The following ARSB variants were observed in gnomAD, a reference collection of about 807,000 sequenced individuals.
ARSB encodes the protein arylsulfatase B.
A neutral mutation model predicts 50.9 loss-of-function variants in ARSB; 41 were observed. That is an observed-to-expected ratio of 0.81 (90% CI 0.63 to 1.04). The LOEUF is 1.04. Among genes scored for constraint, ARSB ranks in the 50% least tolerant of loss-of-function variants. ARSB has a pLI of 0.00. For missense variants in ARSB, 672 were observed against 693.3 expected, an observed-to-expected ratio of 0.97 and a Z score of 0.35; for synonymous variants, 269 against 284.8, an observed-to-expected ratio of 0.94 and a Z score of 0.56.
chr5:78,846,370 T>C (rs1745440936), intron 5 of ARSB, among the ~76,000 whole-genome samples: 1 of 152,170 alleles, frequency 6.6e-6, no homozygotes, highest in East Asian at 1.9e-4. Flanking sequence ...ATAGGGTCTT[T>C]TGTGGGTGCA....
chr5:78,933,912 G>GTGAC (rs1561510337), intron 4 of ARSB, among the ~76,000 whole-genome samples: 1 of 152,182 alleles, frequency 6.6e-6, no homozygotes, highest in Non-Finnish European at 1.5e-5. Flanking sequence ...ATAGACTAGA[G>GTGAC]TGACGAGAGA....
chr5:78,849,623 T>C (rs1439825635), intron 5 of ARSB, among the ~76,000 whole-genome samples: 2 of 151,768 alleles, frequency 1.3e-5, no homozygotes, highest in Non-Finnish European at 2.9e-5. Context: ...TTGATGGGGA[T>C]GGCATTGAAT....
At position 78,820,681 on chromosome 5, in the gene ARSB, C is replaced by T. The variant is rs899211421; in HGVS notation, c.1213+18675G>A. Among the ~76,000 whole-genome samples the T allele has an allele frequency of 3.3e-5, 5 of 152,200 alleles. No individual in the cohort carries two copies. In the South Asian group the frequency reaches 6.2e-4, roughly 19 times the overall value. On this transcript the variant is annotated intron_variant, in intron 6 of 7. Transcript: ENST00000264914. ...CTTTATCAGGGTTTCTCAGCCTCAG[C>T]ATTATTGACATTTCAGGTGGAAAAC... is the stretch of plus-strand genomic sequence containing the variant.
At chr5:78,806,477 A>T (rs12522844) in intron 6 of ARSB, among the ~76,000 whole-genome samples, 9,519 of 152,272 alleles carry the variant, frequency 0.063, 390 homozygotes, top group East Asian at 0.1. Flanking sequence ...GGCACTTCTC[A>T]TCTGGATATA....
At position 78,786,388 on chromosome 5, in the gene ARSB, C is replaced by A. The variant is rs528948492; in HGVS notation, c.1214-4414G>T. Among the ~76,000 whole-genome samples the A allele has an allele frequency of 2.0e-5, 3 of 152,036 alleles. No individual in the cohort carries two copies. The South Asian group carries it at 6.2e-4, about 32-fold the overall frequency. On this transcript the variant is annotated intron_variant, in intron 6 of 7. Transcript: ENST00000264914. Reference sequence around the variant, plus strand: ...ATTCCTGTATATTGCCAAAAATATACCACATTTTCTTTATTCATCAATTAA... The same window carrying A: ...ATTCCTGTATATTGCCAAAAATATAACACATTTTCTTTATTCATCAATTAA...
chr5:78,870,974 A>G (rs902800388), intron 5 of ARSB, among the ~76,000 whole-genome samples: 2 of 152,022 alleles, frequency 1.3e-5, no homozygotes, highest in South Asian at 2.1e-4. Context: ...AAGTCTCAGG[A>G]TACAAAATCA....
At chr5:78,795,916 G>A (rs550747265) in intron 6 of ARSB, among the ~76,000 whole-genome samples, 7 of 152,284 alleles carry the variant, frequency 4.6e-5, no homozygotes, top group Admixed American at 3.9e-4. Context: ...CTTTGATGTG[G>A]CTTACTCAGC....
At chr5:78,874,043 A>G (rs1747369767) in intron 5 of ARSB, among the ~76,000 whole-genome samples, 2 of 152,228 alleles carry the variant, frequency 1.3e-5, no homozygotes, top group African/African-American at 2.4e-5. Flanking sequence ...ATCAACAGTA[A>G]CATAGAAAAC....
chr5:78,884,688 T>C (rs956051276), intron 5 of ARSB: 2 of 152,208 alleles, frequency 1.3e-5, no homozygotes, highest in South Asian at 4.1e-4. Context: ...TATTTATAAA[T>C]TAGATTTATG....
chr5:78,921,369 C>CGT (rs376298282), intron 4 of ARSB, among the ~76,000 whole-genome samples: 18 of 149,042 alleles, frequency 1.2e-4, no homozygotes, highest in Non-Finnish European at 1.6e-4. Flanking sequence ...ACAGACTGTG[C>CGT]GTGTGTGTGT....
At chr5:78,852,736 C>G (rs1463841127) in intron 5 of ARSB, among the ~76,000 whole-genome samples, 1 of 152,108 alleles carries the variant, frequency 6.6e-6, no homozygotes, top group Admixed American at 6.6e-5. Context: ...TCCCATATTT[C>G]TTGGAGGCTT....
intron 5 of ARSB, among the ~76,000 whole-genome samples, chr5:78,882,213 A>G (rs1409422664): frequency 6.6e-6 from 1 of 152,198 alleles, no homozygotes; most frequent in Non-Finnish European, 1.5e-5. Flanking sequence ...AATTAGAATA[A>G]TATTTCTAGG....
chr5:78,836,121 C>T lies in ARSB; in HGVS notation c.1213+3235G>A, dbSNP rs565210393. On this transcript the variant is annotated intron_variant, in intron 6 of 7. Coordinates refer to ENST00000264914, the MANE Select transcript of ARSB (RefSeq NM_000046.5). ...TAAATGAATTGCATAGAAAAGGAAA[C>T]GGGCTTGTATCATCATCCTAAAAAT... Among the ~76,000 whole-genome samples the T allele has an allele frequency of 7.9e-5, 12 of 152,228 alleles. No homozygotes were observed. In the East Asian group the frequency reaches 1.9e-3, roughly 24 times the overall value.
intron 5 of ARSB, among the ~76,000 whole-genome samples, chr5:78,872,349 A>G (rs1747243181): frequency 6.7e-6 from 1 of 149,470 alleles, no homozygotes; most frequent in Admixed American, 6.8e-5. Context: ...TCATGCTGCT[A>G]TAAAGACACA....
intron 1 of ARSB, among the ~76,000 whole-genome samples, chr5:78,983,719 T>C (rs1753018577): frequency 6.6e-6 from 1 of 152,164 alleles, no homozygotes; most frequent in South Asian, 2.1e-4. Flanking sequence ...ACACCCAATC[T>C]TTCCTCTTTA....
At chr5:78,802,093 T>C (rs1580982790) in intron 6 of ARSB, among the ~76,000 whole-genome samples, 1 of 151,656 alleles carries the variant, frequency 6.6e-6, no homozygotes, top group African/African-American at 2.4e-5. Flanking sequence ...GTCTAGCCCT[T>C]CCCTGCTGCA....
Position 78,828,252 on chromosome 5 carries a change from T to C in ARSB, c.1213+11104A>G, listed in dbSNP as rs576464692. On this transcript the variant is annotated intron_variant, in intron 6 of 7. Coordinates refer to ENST00000264914, the MANE Select transcript of ARSB (RefSeq NM_000046.5). The stretch of plus-strand genomic sequence containing the variant: ...TGTATTTTTAAAAATTTTGAGCTTT[T>C]CTGTATTTTTAAAAATTTCTTGCAC... Among the ~76,000 whole-genome samples the C allele has an allele frequency of 3.5e-5, 5 of 142,994 alleles. No individual in the cohort carries two copies. In the East Asian group the frequency reaches 9.6e-4, roughly 28 times the overall value. 93.8% of individuals were successfully genotyped at this position (142,994 alleles called of 152,430 possible). A position where few individuals can be genotyped will look rare whatever the true frequency, so the allele number is the denominator to read the frequency against.
chr5:78,928,656 C>T (rs982677443), intron 4 of ARSB, among the ~76,000 whole-genome samples: 2 of 152,016 alleles, frequency 1.3e-5, no homozygotes, highest in Non-Finnish European at 2.9e-5. Context: ...AAGTTGATCT[C>T]CTTTAAAGAA....
chr5:78,815,938 T>C, intron 6 of ARSB: 1 of 1,534,166 alleles, frequency 6.5e-7, no homozygotes, highest in Non-Finnish European at 8.7e-7. Context: ...AGAAGGCACT[T>C]TTCCTATGAT....
Sources: gnomAD v4.1 joint callset for allele counts (sites outside exome capture counted in the v4.1 genomes callset) on GRCh38, gnomAD v4.1.1 for gene constraint, MANE v1.5 for transcripts, NCBI Gene and HGNC (gene_info 2026-07-23, HGNC 2026-07-21) for gene names.